CEP104: variants seen among roughly 807,000 people sequenced by gnomAD.
The protein encoded by CEP104 is centrosomal protein of 104 kDa.
A neutral mutation model predicts 113.3 loss-of-function variants in CEP104; 84 were observed. The observed-to-expected ratio is 0.74, with a 90% CI of 0.62 to 0.89. The LOEUF is 0.89. CEP104 is among the 40% of genes least tolerant of loss of function. The pLI, the probability that CEP104 is intolerant of heterozygous loss-of-function variation, is 0.00. For synonymous variants in CEP104, 378 were observed against 421.7 expected, an observed-to-expected ratio of 0.90 and a Z score of 1.27; for missense variants, 1,053 against 1,156.6, an observed-to-expected ratio of 0.91 and a Z score of 1.30.
intron 1 of CEP104, chr1:3,855,780 G>T (rs1412748591): frequency 6.7e-6 from 3 of 446,660 alleles, no homozygotes; most frequent in African/African-American, 4.3e-5. Flanking sequence ...GTCACTGAAG[G>T]ATGCCACTTT....
chr1:3,852,216 G>A, intron 2 of CEP104, 79 bp downstream of exon 2: 1 of 1,381,008 alleles, frequency 7.2e-7, no homozygotes, highest in South Asian at 1.4e-5. Flanking sequence ...CTGAGGCTCT[G>A]AATGAAAGGA....
intron 15 of CEP104, among the ~76,000 whole-genome samples, chr1:3,828,765 T>A (rs1644142293): frequency 6.6e-6 from 1 of 152,166 alleles, no homozygotes; most frequent in Non-Finnish European, 1.5e-5. Flanking sequence ...CTAATTCATA[T>A]CCCAGAAGCT....
intron 8 of CEP104, among the ~76,000 whole-genome samples, chr1:3,838,365 G>T (rs2124675277): frequency 6.6e-6 from 1 of 152,128 alleles, no homozygotes; most frequent in East Asian, 1.9e-4. Context: ...TGCCCAGGCT[G>T]GTCTCGAACT....
At chr1:3,855,174 AT>A (rs35424750) in intron 1 of CEP104, among the ~76,000 whole-genome samples, 24,654 of 120,822 alleles carry the variant, frequency 0.2, 3,784 homozygotes, top group African/African-American at 0.45. Flanking sequence ...CCCAGCCCCG[AT>A]TTTTTTTTTT....
intron 6 of CEP104, among the ~76,000 whole-genome samples, chr1:3,840,079 G>C (rs1425767272): frequency 6.6e-6 from 1 of 152,092 alleles, no homozygotes; most frequent in Non-Finnish European, 1.5e-5. Context: ...CCTCGTTATG[G>C]GCCCTGGGAA....
At chr1:3,825,718 C>T (rs751856017) in intron 18 of CEP104, 40 bp downstream of exon 18, 15 of 1,312,954 alleles carry the variant, frequency 1.1e-5, no homozygotes, top group East Asian at 4.6e-5. Context: ...CAGGTGTTCC[C>T]GCTCATGCAA....
chr1:3,821,531 A>C (rs2124638874), intron 20 of CEP104, among the ~76,000 whole-genome samples: 1 of 152,352 alleles, frequency 6.6e-6, no homozygotes, highest in African/African-American at 2.4e-5. Context: ...ATATCCCAGC[A>C]GATGAACGAA....
At chr1:3,853,032 T>C (rs907559890) in intron 1 of CEP104, among the ~76,000 whole-genome samples, 1 of 152,232 alleles carries the variant, frequency 6.6e-6, no homozygotes, top group Non-Finnish European at 1.5e-5. Flanking sequence ...GCCTGCAGAA[T>C]GAATTTCTGG....
chr1:3,835,118 T>G, intron 10 of CEP104, 26 bp from the exon 11 acceptor site: 1 of 1,604,014 alleles, frequency 6.2e-7, no homozygotes, highest in Non-Finnish European at 8.5e-7. Context: ...CAGCATTTCA[T>G]GGCATCACAC....
In CEP104 at chr1:3,829,910, C is replaced by T. The variant is rs1295376147; in HGVS notation, c.1924G>A (p.Ala642Thr). Residue 642 changes from alanine (A) to threonine (T), a missense_variant, in exon 14 of 22, where the codon GCT becomes ACT. Transcript: ENST00000378230. ...IILDMYRQHQ[A>T]SILEYLPPDD... ...GGAGGAAGGTACTCCAGGATGGAAG[C>T]CTGGTGCTGTCTGTACATGTCCAAA... The T allele has an allele frequency of 3.7e-6, 6 of 1,614,004 alleles. No homozygotes were observed. The highest frequency in any genetic ancestry group is 5.1e-6 in the Non-Finnish European group (6 of 1,180,044).
chr1:3,823,650 T>TG lies in CEP104; in HGVS notation c.2365-89dup. 1 of 1,518,338 alleles carries TG rather than the reference T, an allele frequency of 6.6e-7. No homozygotes were observed. Among genetic ancestry groups the TG allele is most frequent in the Non-Finnish European group, 9.1e-7 (1 of 1,103,240 alleles). The allele number at this position is 1,518,338 out of a possible 1,614,324, so 94.1% of individuals were successfully genotyped here. A position where few individuals can be genotyped will look rare whatever the true frequency, so the allele number is the denominator to read the frequency against. ...CTGCAGAGCCTGTGAGCGCCTCCCC[T>TG]GCCCAGGGAGGTCTGTGCCGCCTGC... On this transcript the variant is annotated intron_variant, in intron 18 of 21. Transcript: ENST00000378230. This position sits in a 1 kb window ranked among gnomAD's most constrained non-coding sequence, Gnocchi z 4.1.
chr1:3,824,097 A>T (rs1644036273), intron 18 of CEP104, among the ~76,000 whole-genome samples: 2 of 152,108 alleles, frequency 1.3e-5, no homozygotes, highest in African/African-American at 2.4e-5. Flanking sequence ...GGATATATAT[A>T]TTTTTTGAGA....
chr1:3,852,484 A>G, intron 1 of CEP104, 63 bp from the exon 2 acceptor site: 1 of 1,487,670 alleles, frequency 6.7e-7, no homozygotes, highest in Non-Finnish European at 9.1e-7. Flanking sequence ...ATGGACATTT[A>G]AAGGGTTGGT....
At chr1:3,829,193 T>C in intron 15 of CEP104, 73 bp downstream of exon 15, 2 of 1,017,240 alleles carry the variant, frequency 2.0e-6, no homozygotes, top group East Asian at 2.7e-5. Flanking sequence ...ATAAGTCAAG[T>C]ATGATGTGGA....
In CEP104 at chr1:3,816,043, C is replaced by G. The variant is rs1643875261; in HGVS notation, c.2662+237G>C. 15 of 460,336 alleles carry G rather than the reference C, an allele frequency of 3.3e-5. No homozygotes were observed. The East Asian group carries it at 5.4e-4, about 17-fold the overall frequency. 28.5% of individuals were successfully genotyped at this position (460,336 alleles called of 1,614,324 possible). A position where few individuals can be genotyped will look rare whatever the true frequency, so the allele number is the denominator to read the frequency against. ...GAGGACGGGAGTGTGAATCCTAGGC[C>G]ACCCGTGGAGCCTTCGCACTGCACA... is the stretch of plus-strand genomic sequence containing the variant. On this transcript the variant is annotated intron_variant, in intron 21 of 21. Coordinates refer to ENST00000378230, the MANE Select transcript of CEP104 (RefSeq NM_014704.4).
Position 3,815,535 on chromosome 1 carries a change from G to A in CEP104, c.2663-18C>T, listed in dbSNP as rs1188912781. On this transcript the variant is annotated intron_variant, in intron 21 of 21. Coordinates refer to ENST00000378230, the MANE Select transcript of CEP104 (RefSeq NM_014704.4). ...GCTTTTCCCTGCAGAGCAAGCACAG[G>A]ACCTGCATTAGGAGGGGCACTCCTA... The A allele has an allele frequency of 1.3e-5, 21 of 1,561,564 alleles. No individual in the cohort carries two copies. The highest frequency in any genetic ancestry group is 1.7e-5 in the Non-Finnish European group (19 of 1,149,996).
intron 20 of CEP104, among the ~76,000 whole-genome samples, chr1:3,821,975 G>A (rs937392147): frequency 6.6e-6 from 1 of 152,250 alleles, no homozygotes; most frequent in Non-Finnish European, 1.5e-5. Flanking sequence ...GAAGGCTGAG[G>A]CTGCTGCTGT....
At chr1:3,820,472 G>A (rs9286792) in intron 20 of CEP104, among the ~76,000 whole-genome samples, 12,254 of 50,912 alleles carry the variant, frequency 0.24, 1,219 homozygotes, top group East Asian at 0.53. Flanking sequence ...GGAGGAAGGC[G>A]GATGGAAGCG....
intron 12 of CEP104, among the ~76,000 whole-genome samples, chr1:3,833,077 C>T (rs990687864): frequency 3.2e-4 from 48 of 151,310 alleles, no homozygotes; most frequent in African/African-American, 1.0e-3. Flanking sequence ...CTCTGCCTCC[C>T]GGGTTCGATT....
Sources: allele counts gnomAD v4.1 joint callset (sites outside exome capture counted in the v4.1 genomes callset), GRCh38; gene constraint gnomAD v4.1.1; non-coding constraint Gnocchi (gnomAD v3.1); transcripts MANE v1.5; gene names NCBI Gene and HGNC (gene_info 2026-07-23, HGNC 2026-07-21).